The following GPHN variants were observed in gnomAD, a reference collection of about 807,000 sequenced individuals.
GPHN encodes the protein gephyrin.
In GPHN, 17 loss-of-function variants were observed where a neutral mutation model predicts 95.5. That is an observed-to-expected ratio of 0.18 (90% CI 0.12 to 0.27). The LOEUF is 0.27. Among genes scored for constraint, GPHN ranks in the 10% least tolerant of loss-of-function variants. The pLI is 1.00. For missense variants in GPHN, 660 were observed against 978.1 expected (o/e 0.67, Z 4.34); for synonymous variants, 320 against 322.5 (o/e 0.99, Z 0.08).
the GPHN span, chr14:67,648,107 A>G: frequency 4.3e-6 from 7 of 1,614,002 alleles, no homozygotes; most frequent in Non-Finnish European, 5.9e-6. Flanking sequence ...CACTGGCTCC[A>G]GCCACAGGAA....
At chr14:67,211,211 A>G in the GPHN span, among the ~76,000 whole-genome samples, 1 of 152,308 alleles carries the variant, frequency 6.6e-6, no homozygotes, top group Admixed American at 6.5e-5. Flanking sequence ...TACCAGGCTC[A>G]TGGTAACTGT....
chr14:66,915,886 T>G (rs995622044), intron 5 of GPHN, 117 bp from the exon 6 acceptor site: 17 of 736,874 alleles, frequency 2.3e-5, no homozygotes, highest in Non-Finnish European at 3.7e-5. Context: ...AGATAACACT[T>G]TTATTCCTAA....
chr14:67,439,533 G>GTTTCTTTC, the GPHN span, among the ~76,000 whole-genome samples: 12,914 of 95,268 alleles, frequency 0.14, 849 homozygotes, highest in Non-Finnish European at 0.17. Flanking sequence ...AAATTCAATA[G>GTTTCTTTC]TTTCTTTCTT....
intron 9 of GPHN, among the ~76,000 whole-genome samples, chr14:66,966,141 A>C (rs1392608772): frequency 6.6e-6 from 1 of 152,100 alleles, no homozygotes; most frequent in Admixed American, 6.6e-5. Flanking sequence ...TTAGACACTA[A>C]ATTTGTTTTA....
chr14:67,042,417 G>A (rs1418749017), intron 10 of GPHN, among the ~76,000 whole-genome samples: 1 of 152,142 alleles, frequency 6.6e-6, no homozygotes, highest in Non-Finnish European at 1.5e-5. Context: ...AAGGTGTAAG[G>A]AAGGTGTCCA....
intron 2 of GPHN, among the ~76,000 whole-genome samples, chr14:66,734,541 A>G (rs1419463170): frequency 6.6e-6 from 1 of 152,152 alleles, no homozygotes; most frequent in East Asian, 1.9e-4. Flanking sequence ...GTATTAACTT[A>G]TTTTCTCCCT....
chr14:67,567,382 TCAAA>T, the GPHN span, among the ~76,000 whole-genome samples: 8 of 152,340 alleles, frequency 5.3e-5, no homozygotes, highest in South Asian at 2.1e-4. Context: ...TAACATTTTG[TCAAA>T]CAGTCATAGG....
chr14:67,571,887 C>T, the GPHN span: 39 of 1,610,500 alleles, frequency 2.4e-5, no homozygotes, highest in East Asian at 3.1e-4. Context: ...AGGCAGCCCC[C>T]GGGCCATCAA....
intron 8 of GPHN, among the ~76,000 whole-genome samples, chr14:66,927,469 A>G (rs1209448009): frequency 2.0e-5 from 3 of 152,034 alleles, no homozygotes; most frequent in Non-Finnish European, 4.4e-5. Flanking sequence ...TTTTCCAAAT[A>G]TTGTATCATC....
chr14:66,911,603 T>C (rs2065677307), intron 5 of GPHN, among the ~76,000 whole-genome samples: 2 of 152,010 alleles, frequency 1.3e-5, no homozygotes, highest in Admixed American at 6.6e-5. Flanking sequence ...GGGATTTTTA[T>C]TGTTATTGTC....
At chr14:66,620,434 C>T (rs2063242373) in intron 1 of GPHN, among the ~76,000 whole-genome samples, 1 of 152,092 alleles carries the variant, frequency 6.6e-6, no homozygotes, top group Non-Finnish European at 1.5e-5. Context: ...AGGAGCAAGT[C>T]ACATGGATCA....
the GPHN span, among the ~76,000 whole-genome samples, chr14:67,252,955 T>G: frequency 2.6e-5 from 4 of 152,286 alleles, no homozygotes; most frequent in African/African-American, 9.6e-5. Flanking sequence ...TTGATTAGCT[T>G]TTTCTACAAA....
At chr14:66,954,353 T>C (rs2068337281) in intron 8 of GPHN, among the ~76,000 whole-genome samples, 1 of 152,218 alleles carries the variant, frequency 6.6e-6, no homozygotes, top group Non-Finnish European at 1.5e-5. Flanking sequence ...AATTTCTTGG[T>C]TAAATTTACT....
chr14:67,297,285 G>T, the GPHN span, among the ~76,000 whole-genome samples: 5 of 152,140 alleles, frequency 3.3e-5, no homozygotes, highest in Admixed American at 1.3e-4. Context: ...GAATTATGAA[G>T]TTGTATAGGA....
At chr14:67,202,686 C>A in the GPHN span, among the ~76,000 whole-genome samples, 1 of 152,120 alleles carries the variant, frequency 6.6e-6, no homozygotes, top group Non-Finnish European at 1.5e-5. Flanking sequence ...TGCTACTTGT[C>A]TTTTATGTCA....
chr14:66,516,618 C>T (rs534734753), intron 1 of GPHN, among the ~76,000 whole-genome samples: 15 of 152,212 alleles, frequency 9.9e-5, no homozygotes, highest in African/African-American at 3.4e-4. Context: ...TAGTACTTCA[C>T]GATTTCAGGA....
intron 1 of GPHN, among the ~76,000 whole-genome samples, chr14:66,553,513 AC>A (rs1008736940): frequency 4.7e-4 from 71 of 152,152 alleles, no homozygotes; most frequent in African/African-American, 1.6e-3. Flanking sequence ...TTGGTCTTCA[AC>A]TTCACTTTTC....
At chr14:66,529,590 A>T (rs1397012859) in intron 1 of GPHN, among the ~76,000 whole-genome samples, 2 of 152,036 alleles carry the variant, frequency 1.3e-5, no homozygotes, top group Non-Finnish European at 2.9e-5. Context: ...GTTTCTCCCT[A>T]TCTTTGTGGA....
In GPHN at chr14:66,922,371, C is replaced by T. The variant is rs576147346; in HGVS notation, c.457-295C>T. ...ATATTACAAATTTTAGATCATTTCA[C>T]AGCACATACTCCTATAAACATTTAA... On this transcript the variant is annotated intron_variant, in intron 6 of 22. Coordinates refer to ENST00000478722, the MANE Select transcript of GPHN (RefSeq NM_020806.5). Among the ~76,000 whole-genome samples, 11 of 151,680 alleles carry T rather than the reference C, an allele frequency of 7.3e-5. No homozygotes were observed. In the East Asian group the frequency reaches 1.6e-3, roughly 21 times the overall value.
Sources: gnomAD v4.1 joint callset for allele counts (sites outside exome capture counted in the v4.1 genomes callset) on GRCh38, gnomAD v4.1.1 for gene constraint, MANE v1.5 for transcripts, NCBI Gene and HGNC (gene_info 2026-07-23, HGNC 2026-07-21) for gene names.